PCSK5: variants seen among roughly 807,000 people sequenced by gnomAD.
PCSK5 encodes the protein prohormone convertase 5.
Under a neutral mutation model 233.2 loss-of-function variants are expected in PCSK5, and 129 were observed. The ratio of observed to expected loss-of-function variants is 0.55; its 90% CI spans 0.48 to 0.64. PCSK5 has a LOEUF of 0.64. Among genes scored for constraint, PCSK5 ranks in the 30% least tolerant of loss-of-function variants. The pLI is 0.00. For missense variants in PCSK5, 2,076 were observed against 2,430.1 expected (o/e 0.85, Z 3.06); for synonymous variants, 825 against 879.2 (o/e 0.94, Z 1.09).
intron 10 of PCSK5, among the ~76,000 whole-genome samples, chr9:76,152,709 A>T (rs1823723085): frequency 6.6e-6 from 1 of 152,214 alleles, no homozygotes; most frequent in African/African-American, 2.4e-5. Context: ...AGAGATGAAC[A>T]TATACCCAAT....
chr9:76,303,072 A>G (rs970035239), intron 28 of PCSK5, among the ~76,000 whole-genome samples: 9 of 151,630 alleles, frequency 5.9e-5, no homozygotes, highest in Admixed American at 4.0e-4. Flanking sequence ...TAAGTCCCCA[A>G]TCTTTTATGA....
chr9:76,207,366 A>G (rs184700239), intron 20 of PCSK5, among the ~76,000 whole-genome samples: 1 of 152,302 alleles, frequency 6.6e-6, no homozygotes, highest in African/African-American at 2.4e-5. Context: ...GGAAATAATA[A>G]TATGTCCTCA....
chr9:76,355,141 A>C (rs991751087), intron 37 of PCSK5, among the ~76,000 whole-genome samples: 2 of 152,180 alleles, frequency 1.3e-5, no homozygotes, highest in African/African-American at 4.8e-5. Flanking sequence ...CATTGGTCAC[A>C]AACTTAGAAA....
In PCSK5 at chr9:76,092,320, G is replaced by A. The variant is rs146770669; in HGVS notation, c.895-3570G>A. Among the ~76,000 whole-genome samples, 240 of 152,292 alleles carry A rather than the reference G, an allele frequency of 1.6e-3. 2 individuals are homozygous for A. Among genetic ancestry groups the A allele is most frequent in the African/African-American group, 5.3e-3 (222 of 41,576 alleles). Reference sequence around the variant, plus strand: ...CCACTAGCCCTCTTTTTGCCCAAAAGAAGACTATTGTAAGGATTAATAGCT... The same window carrying A: ...CCACTAGCCCTCTTTTTGCCCAAAAAAAGACTATTGTAAGGATTAATAGCT... On this transcript the variant is annotated intron_variant, in intron 7 of 37. Transcript: ENST00000674117.
intron 2 of PCSK5, 88 bp downstream of exon 2, chr9:75,932,571 T>G: frequency 1.3e-6 from 1 of 787,888 alleles, no homozygotes; most frequent in Non-Finnish European, 2.2e-6. Flanking sequence ...AGGACCAGCA[T>G]GAAGGCTCAG....
intron 5 of PCSK5, among the ~76,000 whole-genome samples, chr9:76,052,413 G>C (rs2131559294): frequency 6.6e-6 from 1 of 152,330 alleles, no homozygotes; most frequent in Non-Finnish European, 1.5e-5. Flanking sequence ...GCAGAGGTGA[G>C]GAGGAGCAAA....
At chr9:75,983,330 C>T (rs983328179) in intron 2 of PCSK5, among the ~76,000 whole-genome samples, 1 of 151,986 alleles carries the variant, frequency 6.6e-6, no homozygotes, top group Non-Finnish European at 1.5e-5. Flanking sequence ...TGTGTAGTGT[C>T]AGAAAGCTGG....
intron 30 of PCSK5, among the ~76,000 whole-genome samples, chr9:76,321,214 A>C (rs1829190763): frequency 6.6e-6 from 1 of 152,084 alleles, no homozygotes; most frequent in Non-Finnish European, 1.5e-5. Flanking sequence ...GGGTCCCAAG[A>C]TTTATTTTCC....
intron 24 of PCSK5, among the ~76,000 whole-genome samples, chr9:76,255,575 C>G (rs1003131050): frequency 2.6e-5 from 4 of 152,170 alleles, no homozygotes; most frequent in African/African-American, 9.6e-5. Context: ...AATCCTAGCA[C>G]TTTGGGCAGT....
intron 9 of PCSK5, among the ~76,000 whole-genome samples, chr9:76,109,471 A>C (rs1387787581): frequency 2.0e-5 from 3 of 150,494 alleles, no homozygotes; most frequent in Non-Finnish European, 3.0e-5. Context: ...ATCACGATTT[A>C]AGCTGAAATG....
chr9:75,976,763 T>C (rs1015725970), intron 2 of PCSK5, among the ~76,000 whole-genome samples: 6 of 151,664 alleles, frequency 4.0e-5, no homozygotes, highest in Admixed American at 2.0e-4. Context: ...TATTAAATAT[T>C]AATATTTAAT....
At chr9:76,097,255 T>TTTTTTC (rs1554686413) in intron 8 of PCSK5, among the ~76,000 whole-genome samples, 1 of 121,920 alleles carries the variant, frequency 8.2e-6, no homozygotes, top group African/African-American at 3.5e-5. Flanking sequence ...TCTTTTTTTT[T>TTTTTTC]TTTTTTTTTT....
chr9:76,142,589 T>C (rs1318275847), intron 10 of PCSK5, among the ~76,000 whole-genome samples: 4 of 152,302 alleles, frequency 2.6e-5, no homozygotes, highest in African/African-American at 9.6e-5. Context: ...TGTGCTTAAG[T>C]AAAATTATTT....
Position 75,891,933 on chromosome 9 carries a change from G to C in PCSK5, c.192+560G>C, listed in dbSNP as rs987457727. On this transcript the variant is annotated intron_variant, in intron 1 of 37. Coordinates refer to ENST00000674117, the MANE Select transcript of PCSK5 (RefSeq NM_001372043.1). The stretch of plus-strand genomic sequence containing the variant: ...TGGAGCTGGAAGGGAGGAGAAAGGA[G>C]GGGGAGGGAAGAGGGGGCCGGCCCC... Among the ~76,000 whole-genome samples the C allele has an allele frequency of 7.2e-5, 11 of 152,202 alleles. No homozygotes were observed. In the South Asian group the frequency reaches 1.7e-3, roughly 23 times the overall value.
At chr9:76,213,047 G>A (rs1344894839) in intron 20 of PCSK5, among the ~76,000 whole-genome samples, 3 of 152,210 alleles carry the variant, frequency 2.0e-5, no homozygotes, top group African/African-American at 7.2e-5. Context: ...TCCAAGTGGA[G>A]CAGAGAACTA....
At chr9:76,034,763 G>T (rs531401097) in intron 5 of PCSK5, among the ~76,000 whole-genome samples, 1 of 152,256 alleles carries the variant, frequency 6.6e-6, no homozygotes, top group South Asian at 2.1e-4. Flanking sequence ...GCCAGAGTAG[G>T]AAATAGAAAG....
chr9:76,261,225 T>A (rs1011267461), intron 24 of PCSK5, among the ~76,000 whole-genome samples: 3 of 152,138 alleles, frequency 2.0e-5, no homozygotes, highest in African/African-American at 4.8e-5. Context: ...TGGCTGCAGA[T>A]GCTAAACTTG....
intron 2 of PCSK5, 101 bp downstream of exon 2, chr9:75,932,584 T>A: frequency 2.7e-6 from 2 of 730,204 alleles, no homozygotes; most frequent in Non-Finnish European, 4.9e-6. Context: ...AGGCTCAGAT[T>A]TCTAGAACTG....
intron 20 of PCSK5, among the ~76,000 whole-genome samples, chr9:76,208,683 C>G (rs926543430): frequency 2.0e-5 from 3 of 152,302 alleles, no homozygotes; most frequent in Admixed American, 2.0e-4. Flanking sequence ...ATTTAACTCT[C>G]TAATCTTTGC....
Sources: gnomAD v4.1 joint callset for allele counts (sites outside exome capture counted in the v4.1 genomes callset) on GRCh38, gnomAD v4.1.1 for gene constraint, MANE v1.5 for transcripts, NCBI Gene and HGNC (gene_info 2026-07-23, HGNC 2026-07-21) for gene names.